The following SLCO3A1 variants were observed in gnomAD, a reference collection of about 807,000 sequenced individuals.
SLCO3A1 encodes PGE1 transporter.
Under a neutral mutation model 63.1 loss-of-function variants are expected in SLCO3A1, and 27 were observed. The observed-to-expected ratio is 0.43, with a 90% CI of 0.32 to 0.59. SLCO3A1 has a LOEUF of 0.59. Among genes scored for constraint, SLCO3A1 ranks in the 20% least tolerant of loss-of-function variants. The pLI is 0.09. For synonymous variants in SLCO3A1, 473 were observed against 409.9 expected (o/e 1.15, Z -1.86); for missense variants, 773 against 945.8 (o/e 0.82, Z 2.40).
intron 4 of SLCO3A1, among the ~76,000 whole-genome samples, chr15:92,120,120 C>T (rs1596118523): frequency 6.6e-6 from 1 of 151,692 alleles, no homozygotes; most frequent in East Asian, 1.9e-4. Flanking sequence ...GAGAAACAAA[C>T]CCCAAACCCT....
At position 91,954,892 on chromosome 15, in the gene SLCO3A1, C is replaced by T. The variant is rs993838064; in HGVS notation, c.646+38434C>T. 6.6e-6 allele frequency among the ~76,000 whole-genome samples: 1 copy of T among 152,096 alleles called. No homozygotes were observed. Among genetic ancestry groups the T allele is most frequent in the Non-Finnish European group, 1.5e-5 (1 of 68,010 alleles). Reference sequence around the variant, plus strand: ...CTGCCCAAGGGCTGGACAGCACCACCCCTCCTAATTCCTAGGAATTAGGCC... The same window carrying T: ...CTGCCCAAGGGCTGGACAGCACCACTCCTCCTAATTCCTAGGAATTAGGCC... On this transcript the variant is annotated intron_variant, in intron 2 of 9. Coordinates refer to ENST00000318445, the MANE Select transcript of SLCO3A1 (RefSeq NM_013272.4). This position sits in a 1 kb window ranked among gnomAD's most constrained non-coding sequence, Gnocchi z 4.7.
intron 2 of SLCO3A1, among the ~76,000 whole-genome samples, chr15:92,074,976 G>A (rs1350775361): frequency 6.6e-6 from 1 of 152,136 alleles, no homozygotes; most frequent in Admixed American, 6.5e-5. Flanking sequence ...TTGGCAGTTT[G>A]TTCAGACTTG....
At chr15:92,040,051 C>T (rs2081888857) in intron 2 of SLCO3A1, among the ~76,000 whole-genome samples, 1 of 152,058 alleles carries the variant, frequency 6.6e-6, no homozygotes, top group South Asian at 2.1e-4. Flanking sequence ...CAGTTGGAGG[C>T]TTGGGGGCAA....
At chr15:92,063,153 T>C (rs997382786) in intron 2 of SLCO3A1, among the ~76,000 whole-genome samples, 1 of 152,230 alleles carries the variant, frequency 6.6e-6, no homozygotes, top group Non-Finnish European at 1.5e-5. Flanking sequence ...CCAGATACGC[T>C]CTGATGTTTT....
At chr15:91,866,078 G>C (rs967496878) in intron 1 of SLCO3A1, among the ~76,000 whole-genome samples, 1 of 152,144 alleles carries the variant, frequency 6.6e-6, no homozygotes, top group African/African-American at 2.4e-5. Context: ...TTACTCTCTG[G>C]GGTGGTGGTG....
chr15:92,049,979 C>A (rs1026586075), intron 2 of SLCO3A1, among the ~76,000 whole-genome samples: 2 of 152,188 alleles, frequency 1.3e-5, no homozygotes, highest in African/African-American at 4.8e-5. Context: ...GGAATTTCTT[C>A]CAGCTTAAAA....
At chr15:91,957,738 G>A (rs1233141502) in intron 2 of SLCO3A1, among the ~76,000 whole-genome samples, 1 of 152,082 alleles carries the variant, frequency 6.6e-6, no homozygotes, top group Non-Finnish European at 1.5e-5. Context: ...CCCATACTCA[G>A]CTTTATTTTT....
chr15:91,960,558 G>T (rs77434403), intron 2 of SLCO3A1, among the ~76,000 whole-genome samples: 245 of 152,214 alleles, frequency 1.6e-3, no homozygotes, highest in African/African-American at 5.7e-3. Flanking sequence ...TCCTAAACTC[G>T]TTCCTTTCAA....
At chr15:91,864,423 A>C in intron 1 of SLCO3A1, among the ~76,000 whole-genome samples, 1 of 152,108 alleles carries the variant, frequency 6.6e-6, no homozygotes, top group East Asian at 1.9e-4. Flanking sequence ...ACAAGTATAA[A>C]TAAAAATATT....
At chr15:91,998,020 A>G (rs143737806) in intron 2 of SLCO3A1, among the ~76,000 whole-genome samples, 2 of 152,392 alleles carry the variant, frequency 1.3e-5, no homozygotes, top group African/African-American at 4.8e-5. Flanking sequence ...GAGCTTCTAC[A>G]TAACAAAAGA....
chr15:91,949,870 G>A (rs1163396138), intron 2 of SLCO3A1, among the ~76,000 whole-genome samples: 4 of 152,054 alleles, frequency 2.6e-5, no homozygotes, highest in Non-Finnish European at 5.9e-5. Context: ...AGCTGAGCGT[G>A]GTGCTGCACA....
chr15:92,113,484 G>T (rs2047754569), intron 4 of SLCO3A1, among the ~76,000 whole-genome samples: 2 of 152,150 alleles, frequency 1.3e-5, no homozygotes. Context: ...GTTCACTCAA[G>T]CCACAAGGTG....
At chr15:91,933,104 AT>A (rs900065301) in intron 2 of SLCO3A1, among the ~76,000 whole-genome samples, 3 of 151,118 alleles carry the variant, frequency 2.0e-5, no homozygotes, top group Non-Finnish European at 3.0e-5. Context: ...AAAATTTAAG[AT>A]TTTTTTTTCG....
chr15:92,027,169 C>G (rs906219063), intron 2 of SLCO3A1, among the ~76,000 whole-genome samples: 1 of 151,886 alleles, frequency 6.6e-6, no homozygotes, highest in Non-Finnish European at 1.5e-5. Context: ...TTGTCATGAG[C>G]TCTCTAAAAA....
At chr15:92,124,164 G>C (rs529765257) in intron 5 of SLCO3A1, among the ~76,000 whole-genome samples, 1 of 152,336 alleles carries the variant, frequency 6.6e-6, no homozygotes, top group South Asian at 2.1e-4. Flanking sequence ...TCAGCAAATG[G>C]GGCAGAGCTC....
Position 92,165,356 on chromosome 15 carries a change from T to C in SLCO3A1, c.*2221T>C, listed in dbSNP as rs1371403773. 1.0e-6 allele frequency: 1 copy of C among 985,138 alleles called. No homozygotes were observed. The highest frequency in any genetic ancestry group is 1.2e-6 in the Non-Finnish European group (1 of 829,760). 61.0% of individuals were successfully genotyped at this position (985,138 alleles called of 1,614,324 possible). On this transcript the variant is annotated 3_prime_UTR_variant, in exon 10 of 10. Transcript: ENST00000318445. ...GTATGTTCTGTTGTTCCTAAGGCTT[T>C]GATAATATCCTGTACAGATTTTGGT...
chr15:91,990,839 A>T (rs1025447714), intron 2 of SLCO3A1, among the ~76,000 whole-genome samples: 3 of 152,032 alleles, frequency 2.0e-5, no homozygotes, highest in African/African-American at 7.2e-5. Context: ...AAGCGAGGAG[A>T]GGAATTTGCA....
At chr15:92,002,197 A>G (rs2046263732) in intron 2 of SLCO3A1, among the ~76,000 whole-genome samples, 3 of 152,132 alleles carry the variant, frequency 2.0e-5, no homozygotes, top group African/African-American at 2.4e-5. Flanking sequence ...GTCCAGATGT[A>G]CATTCGCAAG....
chr15:91,872,116 G>A lies in SLCO3A1; in HGVS notation c.180+18028G>A, dbSNP rs367764262. Among the ~76,000 whole-genome samples the A allele has an allele frequency of 6.6e-6, 1 of 152,118 alleles. No individual in the cohort carries two copies. The highest frequency in any genetic ancestry group is 2.4e-5 in the African/African-American group (1 of 41,416). On this transcript the variant is annotated intron_variant, in intron 1 of 9. Transcript: ENST00000318445. The surrounding 1 kb of genome is among the most constrained non-coding windows in gnomAD (Gnocchi z 4.1). ...TGTGGAAAGGGGAATTGCCTTCGTC[G>A]AGGATGTGGTGTGTGCCCGGGAGGA...
Sources: gnomAD v4.1 joint callset for allele counts (sites outside exome capture counted in the v4.1 genomes callset) on GRCh38, gnomAD v4.1.1 for gene constraint, Gnocchi (gnomAD v3.1) non-coding constraint, MANE v1.5 for transcripts, NCBI Gene and HGNC (gene_info 2026-07-23, HGNC 2026-07-21) for gene names.